Variants in FHIP1B observed in about 807,000 individuals in gnomAD.
FHIP1B encodes the protein FHF complex subunit HOOK-interacting protein 1B.
In FHIP1B, 28 loss-of-function variants were observed where a neutral mutation model predicts 82.2. That is an observed-to-expected ratio of 0.34 (90% CI 0.25 to 0.47). FHIP1B has a LOEUF of 0.47. Among genes scored for constraint, FHIP1B ranks in the 20% least tolerant of loss-of-function variants. The pLI is 1.00. For synonymous variants in FHIP1B, 585 were observed against 516.1 expected (o/e 1.13, Z -1.81); for missense variants, 1,110 against 1,262.6 (o/e 0.88, Z 1.83).
chr11:6,219,541 A>G (rs1344761213), intron 6 of FHIP1B, among the ~76,000 whole-genome samples: 1 of 152,220 alleles, frequency 6.6e-6, no homozygotes, highest in Non-Finnish European at 1.5e-5. Flanking sequence ...GGCTGCAAAC[A>G]TGAAGTCTGA....
rs375612041 is a variant in FHIP1B at position 6,218,721 on chromosome 11, C to T, written c.1314G>A (p.Pro438=). 24 of 1,613,970 alleles carry T rather than the reference C, an allele frequency of 1.5e-5. No homozygotes were observed. The highest frequency in any genetic ancestry group is 2.7e-5 in the African/African-American group (2 of 74,870). The part of the protein sequence containing the change: ...PCNHVMLSQK[P]AVRDVDLYGR... ...CATATAGGTCCACATCACGAACAGC[C>T]GGCTTCTGGCTCAGCATAACGTGGT... is the stretch of plus-strand genomic sequence containing the variant. Residue 438 remains proline (P), a synonymous_variant, in exon 8 of 12, where the codon CCG becomes CCA. Transcript: ENST00000449352.
At position 6,219,153 on chromosome 11, in the gene FHIP1B, C is replaced by T. The variant is rs1847337938; in HGVS notation, c.1192-103G>A. ...ACCAGCCCCAAGTTGGCCCAACCAA[C>T]CACTCCTAGAGGAACTCCTAGAGGA... On this transcript the variant is annotated intron_variant, in intron 6 of 11. Coordinates refer to ENST00000449352, the MANE Select transcript of FHIP1B (RefSeq NM_001098794.2). 10 of 814,130 alleles carry T rather than the reference C, an allele frequency of 1.2e-5. No homozygotes were observed. In the Admixed American group the frequency reaches 1.4e-4, roughly 12 times the overall value. The allele number at this position is 814,130 out of a possible 1,614,324, so 50.4% of individuals were successfully genotyped here.
At position 6,217,351 on chromosome 11, in the gene FHIP1B, G is replaced by A; in HGVS notation, c.2215+20C>T. ...ATGCAAAGAGTACACAGAAGGGAAG[G>A]CCTAGGCTAAGTAGCTTACCAGTGA... On this transcript the variant is annotated intron_variant, in intron 9 of 11. Coordinates refer to ENST00000449352, the MANE Select transcript of FHIP1B (RefSeq NM_001098794.2). The A allele has an allele frequency of 1.2e-6, 2 of 1,603,546 alleles. No homozygotes were observed. Among genetic ancestry groups the A allele is most frequent in the Non-Finnish European group, 1.7e-6 (2 of 1,170,872 alleles).
chr11:6,215,786 A>G (rs771958710), intron 9 of FHIP1B, among the ~76,000 whole-genome samples: 1 of 152,230 alleles, frequency 6.6e-6, no homozygotes, highest in Non-Finnish European at 1.5e-5. Context: ...CTCTATAACC[A>G]TCACAGTCCT....
Position 6,223,589 on chromosome 11 carries a change from T to G in FHIP1B, c.777+21A>C, listed in dbSNP as rs751552966. 6.4e-7 allele frequency: 1 copy of G among 1,560,524 alleles called. No individual in the cohort carries two copies. The highest frequency in any genetic ancestry group is 2.2e-5 in the East Asian group (1 of 44,474). On this transcript the variant is annotated intron_variant, in intron 3 of 11. Coordinates refer to ENST00000449352, the MANE Select transcript of FHIP1B (RefSeq NM_001098794.2). The surrounding 1 kb of genome is among the most constrained non-coding windows in gnomAD (Gnocchi z 4.8). ...AGTATCTACACACCACACCCTACCCTCCAAGCCAGGGGGTGCTAACCGGGC... is the reference window on the plus strand; with the variant it reads ...AGTATCTACACACCACACCCTACCCGCCAAGCCAGGGGGTGCTAACCGGGC...
intron 1 of FHIP1B, among the ~76,000 whole-genome samples, chr11:6,229,154 A>G (rs1259989892): frequency 6.6e-6 from 1 of 152,240 alleles, no homozygotes; most frequent in African/African-American, 2.4e-5. Context: ...GAAAACAAAG[A>G]CAATCAAACA....
At chr11:6,225,500 T>A (rs1421547198) in intron 1 of FHIP1B, among the ~76,000 whole-genome samples, 1 of 152,252 alleles carries the variant, frequency 6.6e-6, no homozygotes, top group African/African-American at 2.4e-5. Flanking sequence ...CTGAAACTAT[T>A]TATTTATTTG....
At position 6,214,995 on chromosome 11, in the gene FHIP1B, C is replaced by A. The variant is rs150264715; in HGVS notation, c.2216-84G>T. 763 of 1,294,828 alleles carry A rather than the reference C, an allele frequency of 5.9e-4. 2 individuals carry two copies. The highest frequency in any genetic ancestry group is 7.2e-4 in the Non-Finnish European group (699 of 974,754). The allele number at this position is 1,294,828 out of a possible 1,614,324, so 80.2% of individuals were successfully genotyped here. ...CGCATTCCTCCCCAAAACAAGAGAC[C>A]CCCACCAGATGAAAAGTATTTGTAT... is the stretch of plus-strand genomic sequence containing the variant. On this transcript the variant is annotated intron_variant, in intron 9 of 11. Transcript: ENST00000449352.
intron 1 of FHIP1B, among the ~76,000 whole-genome samples, chr11:6,230,656 T>C (rs1414511083): frequency 6.6e-6 from 1 of 152,206 alleles, no homozygotes; most frequent in Non-Finnish European, 1.5e-5. Flanking sequence ...TTCACAAAAG[T>C]GAACCTCTAT....
chr11:6,217,497 C>T lies in FHIP1B; in HGVS notation c.2089G>A (p.Glu697Lys). The T allele has an allele frequency of 1.2e-6, 2 of 1,612,960 alleles. No individual in the cohort carries two copies. The highest frequency in any genetic ancestry group is 8.5e-7 in the Non-Finnish European group (1 of 1,179,346). ...TCCTCCTCAAGGGGCAGTGGAGGTT[C>T]TAAGGGGGACTCTGAGCCAGTTCCC... Reference protein sequence around the residue: ...NGGTGSESPLEPPLPLEEEEA... With the variant: ...NGGTGSESPLKPPLPLEEEEA... The change falls in exon 9 of 12, where the codon GAA (glutamate) becomes AAA (lysine). Residue 697 changes from glutamate (E) to lysine (K), a missense_variant. Coordinates refer to ENST00000449352, the MANE Select transcript of FHIP1B (RefSeq NM_001098794.2).
chr11:6,230,964 A>C, intron 1 of FHIP1B, among the ~76,000 whole-genome samples: 1 of 152,262 alleles, frequency 6.6e-6, no homozygotes, highest in East Asian at 1.9e-4. Context: ...ATGCCATATT[A>C]AGAAATTTGG....
At chr11:6,212,219 T>C (rs1445037664) in intron 11 of FHIP1B, among the ~76,000 whole-genome samples, 1 of 152,090 alleles carries the variant, frequency 6.6e-6, no homozygotes, top group African/African-American at 2.4e-5. Context: ...CCATTCCTTC[T>C]CCATGCCCTC....
intron 1 of FHIP1B, among the ~76,000 whole-genome samples, chr11:6,228,967 T>G (rs1322071938): frequency 1.3e-5 from 2 of 152,258 alleles, no homozygotes; most frequent in Admixed American, 6.5e-5. Context: ...CCTGGGATAC[T>G]GTACCATCCC....
At position 6,218,617 on chromosome 11, in the gene FHIP1B, T is replaced by C. The variant is rs758371519; in HGVS notation, c.1418A>G (p.His473Arg). ...HHAPSPPRPE[H>R]ASWARGPGSP... Reference sequence around the variant, plus strand: ...AGGCCCACCTCGTGCCCATGAGGCATGCTCTGGACGAGGTGGGCTGGGGGC... The same window carrying C: ...AGGCCCACCTCGTGCCCATGAGGCACGCTCTGGACGAGGTGGGCTGGGGGC... Residue 473 changes from histidine to arginine, a missense_variant, in exon 8 of 12, where the codon CAT becomes CGT. Physicochemically the swap from His to Arg is conservative, Grantham distance 29. Around this residue, in one of 6 missense-constraint regions of FHIP1B, gnomAD observed 418 missense variants for 371.4 expected, o/e 1.13. Coordinates refer to ENST00000449352, the MANE Select transcript of FHIP1B (RefSeq NM_001098794.2). 6 of 1,614,124 alleles carry C rather than the reference T, an allele frequency of 3.7e-6. No individual in the cohort carries two copies. The highest frequency in any genetic ancestry group is 5.1e-6 in the Non-Finnish European group (6 of 1,180,016).
intron 1 of FHIP1B, among the ~76,000 whole-genome samples, chr11:6,233,238 T>C (rs1847746579): frequency 6.6e-6 from 1 of 152,208 alleles, no homozygotes; most frequent in African/African-American, 2.4e-5. Context: ...CAGGAAATGG[T>C]CTCTCCCTGT....
At chr11:6,215,083 G>C (rs1847189105) in intron 9 of FHIP1B, 172 bp from the exon 10 acceptor site, 4 of 562,818 alleles carry the variant, frequency 7.1e-6, no homozygotes, top group Non-Finnish European at 5.9e-6. Flanking sequence ...TAAGATGGCA[G>C]ACACCATATG....
intron 1 of FHIP1B, 24 bp downstream of exon 1, chr11:6,234,520 C>G (rs1421506227): frequency 6.5e-6 from 1 of 153,108 alleles, no homozygotes; most frequent in Non-Finnish European, 1.5e-5. Flanking sequence ...AAACGACTCT[C>G]CAGGCCCTCT....
chr11:6,211,415 TC>T lies in FHIP1B; in HGVS notation c.*90del, dbSNP rs1847067874. ...CATTCATCTGAAATAAATTAAAAAGTCCTTTTGCCACTGCCTCCAAACATAA... is the reference window on the plus strand; with the variant it reads ...CATTCATCTGAAATAAATTAAAAAGTCTTTTGCCACTGCCTCCAAACATAA... On this transcript the variant is annotated 3_prime_UTR_variant, in exon 12 of 12. Coordinates refer to ENST00000449352, the MANE Select transcript of FHIP1B (RefSeq NM_001098794.2). 4.2e-6 allele frequency: 6 copies of T among 1,444,122 alleles called. No homozygotes were observed. The highest frequency in any genetic ancestry group is 5.0e-5 in the Admixed American group (2 of 40,054). The allele number at this position is 1,444,122 out of a possible 1,614,324, so 89.5% of individuals were successfully genotyped here.
intron 11 of FHIP1B, among the ~76,000 whole-genome samples, chr11:6,212,779 C>T (rs1289937942): frequency 1.3e-5 from 2 of 152,198 alleles, no homozygotes; most frequent in African/African-American, 4.8e-5. Context: ...CACACTCCTC[C>T]TACAATTTCT....
Sources: allele counts gnomAD v4.1 joint callset (sites outside exome capture counted in the v4.1 genomes callset), GRCh38; gene constraint gnomAD v4.1.1; regional missense constraint gnomAD v4.1.1; non-coding constraint Gnocchi (gnomAD v3.1); transcripts MANE v1.5; gene names NCBI Gene and HGNC (gene_info 2026-07-23, HGNC 2026-07-21).